SLC4A10: variants seen among roughly 807,000 people sequenced by gnomAD.
SLC4A10 encodes sodium-driven chloride bicarbonate exchanger.
In SLC4A10, 42 loss-of-function variants were observed where a neutral mutation model predicts 137.7. That is an observed-to-expected ratio of 0.30 (90% confidence interval 0.24 to 0.39). The LOEUF is 0.39. Ranked by LOEUF, SLC4A10 falls within the 10% of genes least tolerant of loss-of-function variation. The pLI, the probability that SLC4A10 is intolerant of heterozygous loss-of-function variation, is 1.00. For missense variants in SLC4A10, 925 were observed against 1,355.0 expected, an observed-to-expected ratio of 0.68 and a Z score of 4.98; for synonymous variants, 474 against 464.1, an observed-to-expected ratio of 1.02 and a Z score of -0.27.
intron 1 of SLC4A10, among the ~76,000 whole-genome samples, chr2:161,637,162 T>TAG: frequency 6.8e-6 from 1 of 147,868 alleles, no homozygotes; most frequent in Non-Finnish European, 1.5e-5. Context: ...GATATATACG[T>TAG]ATATATACAT....
intron 2 of SLC4A10, among the ~76,000 whole-genome samples, chr2:161,772,761 A>ATAT (rs1364786591): frequency 2.0e-5 from 3 of 151,948 alleles, no homozygotes; most frequent in Non-Finnish European, 4.4e-5. Context: ...AATCTGGTTT[A>ATAT]TATTGACGTT....
chr2:161,883,659 C>T (rs567353942), intron 10 of SLC4A10, among the ~76,000 whole-genome samples: 129 of 152,208 alleles, frequency 8.5e-4, no homozygotes, highest in Admixed American at 1.8e-3. Flanking sequence ...ACAATCCCTT[C>T]GAAGTCTCTA....
intron 1 of SLC4A10, among the ~76,000 whole-genome samples, chr2:161,675,681 T>C (rs1230674977): frequency 6.6e-6 from 1 of 152,154 alleles, no homozygotes; most frequent in Non-Finnish European, 1.5e-5. Flanking sequence ...TATATACTTT[T>C]ATAATTCCAT....
intron 1 of SLC4A10, among the ~76,000 whole-genome samples, chr2:161,756,693 T>C (rs1157049355): frequency 6.6e-6 from 1 of 152,130 alleles, no homozygotes; most frequent in East Asian, 1.9e-4. Context: ...ACATATGACA[T>C]CACTTTTGGT....
intron 1 of SLC4A10, among the ~76,000 whole-genome samples, chr2:161,638,000 A>G (rs1021109084): frequency 6.6e-6 from 1 of 152,092 alleles, no homozygotes; most frequent in South Asian, 2.1e-4. Context: ...TTGCTATTTA[A>G]TTGTTTGAGT....
intron 1 of SLC4A10, among the ~76,000 whole-genome samples, chr2:161,752,031 C>T (rs2049036540): frequency 6.6e-6 from 1 of 151,810 alleles, no homozygotes; most frequent in Non-Finnish European, 1.5e-5. Context: ...TCTTGCTCAC[C>T]CATTAAAGTG....
At chr2:161,842,815 T>G (rs1014939045) in intron 4 of SLC4A10, among the ~76,000 whole-genome samples, 2 of 152,150 alleles carry the variant, frequency 1.3e-5, no homozygotes, top group Admixed American at 1.3e-4. Context: ...TATAAGATCA[T>G]TTTTTCCACA....
rs1472725444 is a variant in SLC4A10 at position 161,779,235 on chromosome 2, C to T, written c.130+8181C>T. Among the ~76,000 whole-genome samples the T allele has an allele frequency of 5.3e-5, 8 of 151,868 alleles. No homozygotes were observed. In the East Asian group the frequency reaches 1.6e-3, roughly 30 times the overall value. Reference sequence around the variant, plus strand: ...GCCATCTTGCAGGAGTGAAAACTCCCTCACTACCATGAGAAGGGCACCAAG... The same window carrying T: ...GCCATCTTGCAGGAGTGAAAACTCCTTCACTACCATGAGAAGGGCACCAAG... On this transcript the variant is annotated intron_variant, in intron 2 of 26. Transcript: ENST00000446997.
At chr2:161,657,048 A>G (rs932630017) in intron 1 of SLC4A10, among the ~76,000 whole-genome samples, 11 of 152,102 alleles carry the variant, frequency 7.2e-5, no homozygotes, top group African/African-American at 2.7e-4. Flanking sequence ...TTCTACAGCA[A>G]ATCTATCATT....
intron 1 of SLC4A10, among the ~76,000 whole-genome samples, chr2:161,714,762 T>C (rs1198143012): frequency 3.3e-5 from 5 of 152,020 alleles, no homozygotes; most frequent in Non-Finnish European, 7.4e-5. Flanking sequence ...CTTAGGAAGT[T>C]ACTTAATCTC....
intron 1 of SLC4A10, among the ~76,000 whole-genome samples, chr2:161,756,870 A>T (rs1297276031): frequency 6.6e-6 from 1 of 152,204 alleles, no homozygotes; most frequent in Non-Finnish European, 1.5e-5. Context: ...TTAGGGAAAG[A>T]TATGAAAGAT....
At chr2:161,840,147 G>A (rs926269474) in intron 4 of SLC4A10, among the ~76,000 whole-genome samples, 2 of 152,170 alleles carry the variant, frequency 1.3e-5, no homozygotes, top group Admixed American at 6.5e-5. Context: ...AACAGCTGCA[G>A]TCTTAAAGAT....
chr2:161,736,667 TC>T (rs2047377634), intron 1 of SLC4A10, among the ~76,000 whole-genome samples: 1 of 152,100 alleles, frequency 6.6e-6, no homozygotes, highest in African/African-American at 2.4e-5. Flanking sequence ...CCACCATGAT[TC>T]AATTATCTCT....
intron 5 of SLC4A10, among the ~76,000 whole-genome samples, chr2:161,860,589 C>T (rs539159795): frequency 1.1e-4 from 16 of 152,194 alleles, no homozygotes; most frequent in African/African-American, 3.9e-4. Flanking sequence ...TATACGTTGA[C>T]AATTTATTAT....
chr2:161,635,929 C>T (rs1206275751), intron 1 of SLC4A10, among the ~76,000 whole-genome samples: 1 of 152,140 alleles, frequency 6.6e-6, no homozygotes, highest in African/African-American at 2.4e-5. Flanking sequence ...CATTTGTGAA[C>T]TGCTGATTTA....
At chr2:161,978,267 A>G in intron 26 of SLC4A10, among the ~76,000 whole-genome samples, 1 of 151,366 alleles carries the variant, frequency 6.6e-6, no homozygotes, top group East Asian at 2.0e-4. Flanking sequence ...GATGCCTGTA[A>G]TCCCAGCTAC....
intron 26 of SLC4A10, among the ~76,000 whole-genome samples, chr2:161,978,825 G>C (rs114723076): frequency 6.6e-6 from 1 of 152,044 alleles, no homozygotes; most frequent in Non-Finnish European, 1.5e-5. Context: ...TGTCTTAATA[G>C]GACTTTAAAA....
intron 1 of SLC4A10, among the ~76,000 whole-genome samples, chr2:161,687,090 C>T (rs1308381061): frequency 6.6e-6 from 1 of 152,098 alleles, no homozygotes; most frequent in African/African-American, 2.4e-5. Context: ...GCCATGTTGG[C>T]CAGACTGGTC....
intron 1 of SLC4A10, among the ~76,000 whole-genome samples, chr2:161,692,296 A>C (rs950277010): frequency 2.0e-5 from 3 of 152,046 alleles, no homozygotes; most frequent in African/African-American, 7.2e-5. Context: ...TAATTATTCA[A>C]AGAAAAATAT....
Sources: allele counts gnomAD v4.1 joint callset (sites outside exome capture counted in the v4.1 genomes callset), GRCh38; gene constraint gnomAD v4.1.1; transcripts MANE v1.5; gene names NCBI Gene and HGNC (gene_info 2026-07-23, HGNC 2026-07-21).